Variants in FMNL3 observed in about 807,000 individuals in gnomAD.
FMNL3 encodes formin like 3.
FMNL3 carries 57 observed loss-of-function variants against 119.6 expected under a neutral mutation model. That is an observed-to-expected ratio of 0.48 (90% CI 0.39 to 0.59). The LOEUF is 0.59. FMNL3 is among the 20% of genes least tolerant of loss of function. The pLI, the probability that FMNL3 is intolerant of heterozygous loss-of-function variation, is 0.00. For missense variants in FMNL3, 1,053 were observed against 1,323.5 expected, an observed-to-expected ratio of 0.80 and a Z score of 3.17; for synonymous variants, 491 against 507.3, an observed-to-expected ratio of 0.97 and a Z score of 0.43.
At position 49,642,285 on chromosome 12, in the gene FMNL3, A is replaced by G. The variant is rs374754162; in HGVS notation, c.*3530T>C. On this transcript the variant is annotated 3_prime_UTR_variant, in exon 26 of 26. Transcript: ENST00000335154. The surrounding 1 kb of genome is among the most constrained non-coding windows in gnomAD (Gnocchi z 5.8). ...AGAGGGAGCGGGAGAAGGAGGAGGCACGCAGGATGCGGCGCAGGGAAGCTG... is the reference window on the plus strand; with the variant it reads ...AGAGGGAGCGGGAGAAGGAGGAGGCGCGCAGGATGCGGCGCAGGGAAGCTG... 3 of 1,614,212 alleles carry G rather than the reference A, an allele frequency of 1.9e-6. No homozygotes were observed.
chr12:49,646,813 G>C, intron 25 of FMNL3, 73 bp downstream of exon 25: 1 of 1,604,990 alleles, frequency 6.2e-7, no homozygotes, highest in Non-Finnish European at 8.5e-7. Flanking sequence ...TGGGAGGAGA[G>C]CCCAAAGGGG....
rs1389099608 is a variant in FMNL3, at chr12:49,641,813, G to A, written c.*4002C>T. 3 of 993,310 alleles carry A rather than the reference G, an allele frequency of 3.0e-6. No individual in the cohort carries two copies. The highest frequency in any genetic ancestry group is 3.6e-5 in the Admixed American group (2 of 55,708). The allele number at this position is 993,310 out of a possible 1,614,324, so 61.5% of individuals were successfully genotyped here. On this transcript the variant is annotated 3_prime_UTR_variant, in exon 26 of 26. Transcript: ENST00000335154. ...TCCTGTGGATCTCTTCCAGAGGCAA[G>A]GGCCTTCTTGACCATCTGTAATGTG... is the stretch of plus-strand genomic sequence containing the variant.
chr12:49,706,997 C>G (rs561559132), intron 1 of FMNL3, 58 bp downstream of exon 1: 3 of 1,538,766 alleles, frequency 1.9e-6, no homozygotes, highest in Non-Finnish European at 2.6e-6. Flanking sequence ...AAGTCCCAGC[C>G]CGGGCGTCGG....
In FMNL3 at chr12:49,642,847, G is replaced by C; in HGVS notation, c.*2968C>G. 2.0e-6 allele frequency: 3 copies of C among 1,499,478 alleles called. No individual in the cohort carries two copies. The South Asian group carries it at 3.6e-5, about 18-fold the overall frequency. The allele number at this position is 1,499,478 out of a possible 1,614,324, so 92.9% of individuals were successfully genotyped here. On this transcript the variant is annotated 3_prime_UTR_variant, in exon 26 of 26. Coordinates refer to ENST00000335154, the MANE Select transcript of FMNL3 (RefSeq NM_175736.5). This position sits in a 1 kb window ranked among gnomAD's most constrained non-coding sequence, Gnocchi z 5.8. ...GAAGGCTCTAGTCTGAGAAAGGGAG[G>C]CAAAGCCAGATTTTAGGAAGTAGGA...
intron 1 of FMNL3, among the ~76,000 whole-genome samples, chr12:49,699,213 G>A (rs991096450): frequency 6.6e-6 from 1 of 152,170 alleles, no homozygotes; most frequent in African/African-American, 2.4e-5. Context: ...ACTTCAGGCA[G>A]CCAACACTGC....
chr12:49,648,242 G>T lies in FMNL3; in HGVS notation c.2627C>A (p.Thr876Asn). ...GAGCTTGTCTAGTTTGCCTTCATTG[G>T]TACTGAGGAAGTTCCGGAGGACGCT... Reference protein sequence around the residue: ...DNSVLRNFLSTNEGKLDKLQR... With the variant: ...DNSVLRNFLSNNEGKLDKLQR... Residue 876 changes from threonine to asparagine, a missense_variant, in exon 22 of 26, where the codon ACC (threonine) becomes AAC (asparagine). Transcript: ENST00000335154. 6.2e-7 allele frequency: 1 copy of T among 1,614,004 alleles called. No homozygotes were observed. Among genetic ancestry groups the T allele is most frequent in the African/African-American group, 1.3e-5 (1 of 75,008 alleles).
rs1275600549 is a variant in FMNL3, at chr12:49,639,510, G to A, written c.*6305C>T. 1 of 152,296 alleles carries A rather than the reference G, an allele frequency of 6.6e-6. No homozygotes were observed. Among genetic ancestry groups the A allele is most frequent in the East Asian group, 1.9e-4 (1 of 5,196 alleles). 9.4% of individuals were successfully genotyped at this position (152,296 alleles called of 1,614,324 possible). On this transcript the variant is annotated 3_prime_UTR_variant, in exon 26 of 26. Transcript: ENST00000335154. ...GAGAGCAGGCTGTAGCGCTCCAGCT[G>A]TTCTTCTGAGACACTCTGGGTTTCT...
At chr12:49,656,556 T>G in intron 8 of FMNL3, 59 bp from the exon 9 acceptor site, 1 of 1,467,106 alleles carries the variant, frequency 6.8e-7, no homozygotes, top group Non-Finnish European at 9.5e-7. Context: ...ACCACACAGC[T>G]CATTTCCCTG....
At chr12:49,665,631 C>T (rs1001590589) in intron 4 of FMNL3, among the ~76,000 whole-genome samples, 1 of 152,208 alleles carries the variant, frequency 6.6e-6, no homozygotes. Flanking sequence ...ATCTAGTCAG[C>T]AGCTGGCAGA....
chr12:49,636,912 C>T lies in FMNL3; in HGVS notation c.*8903G>A, dbSNP rs1941892046. ...TGCCCTAGAGCACAACCTCTTCACC[C>T]ATTCCCTGCCCCCTTCTGGATACGC... On this transcript the variant is annotated 3_prime_UTR_variant, in exon 26 of 26. Transcript: ENST00000335154. 6.2e-7 allele frequency: 1 copy of T among 1,606,088 alleles called. No individual in the cohort carries two copies. The highest frequency in any genetic ancestry group is 8.5e-7 in the Non-Finnish European group (1 of 1,176,548).
chr12:49,681,569 G>A (rs1032049849), intron 1 of FMNL3, among the ~76,000 whole-genome samples: 1 of 151,954 alleles, frequency 6.6e-6, no homozygotes, highest in East Asian at 1.9e-4. Context: ...TACTTTTCAC[G>A]AGACAGTCAG....
In FMNL3 at chr12:49,656,448, C is replaced by A; in HGVS notation, c.841G>T (p.Gly281Ter). ...ELLAAVCLVR[G>*]GHEIILAAFD... is the part of the protein sequence containing the mutation. ...GCAGCAAGGATGATTTCGTGACCTC[C>A]TCGCACCAAACACACAGCTGCCAGA... The change falls in exon 9 of 26, where the codon GGA becomes TGA. Residue 281 changes from glycine to a stop codon, truncating the protein, a stop_gained. Transcript: ENST00000335154. LOFTEE classifies it high-confidence loss of function. 1 of 1,614,160 alleles carries A rather than the reference C, an allele frequency of 6.2e-7. No individual in the cohort carries two copies. The highest frequency in any genetic ancestry group is 8.5e-7 in the Non-Finnish European group (1 of 1,180,004).
At chr12:49,685,506 C>T (rs1015603524) in intron 1 of FMNL3, among the ~76,000 whole-genome samples, 2 of 151,956 alleles carry the variant, frequency 1.3e-5, no homozygotes, top group African/African-American at 4.8e-5. Context: ...ACACAAGAGA[C>T]AAAATGTGCT....
In FMNL3 at chr12:49,665,874, A is replaced by C. The variant is rs779698218; in HGVS notation, c.326T>G (p.Val109Gly). 6 of 1,614,174 alleles carry C rather than the reference A, an allele frequency of 3.7e-6. No individual in the cohort carries two copies. The South Asian group carries it at 6.6e-5, about 18-fold the overall frequency. The change falls in exon 4 of 26, where the codon GTA (valine) becomes GGA (glycine). Residue 109 changes from valine (V) to glycine (G), a missense_variant. Physicochemically the swap from Val to Gly is moderately radical, Grantham distance 109. Around this residue, in one of 4 missense-constraint regions of FMNL3, gnomAD observed 264 missense variants for 265.5 expected, o/e 0.99. Coordinates refer to ENST00000335154, the MANE Select transcript of FMNL3 (RefSeq NM_175736.5). ...FRRRVQESTK[V>G]LRELEISLRT... ...AAGAGAGATCTCCAGCTCCCTTAGT[A>C]CTTTGGTTGACTCCTGCACCCTCCT... is the stretch of plus-strand genomic sequence containing the variant.
In FMNL3 at chr12:49,646,571, G is replaced by A. The variant is rs541683840; in HGVS notation, c.2995+315C>T. 56 of 1,235,222 alleles carry A rather than the reference G, an allele frequency of 4.5e-5. No homozygotes were observed. In the South Asian group the frequency reaches 8.1e-4, roughly 18 times the overall value. 76.5% of individuals were successfully genotyped at this position (1,235,222 alleles called of 1,614,324 possible). On this transcript the variant is annotated intron_variant, in intron 25 of 25. Coordinates refer to ENST00000335154, the MANE Select transcript of FMNL3 (RefSeq NM_175736.5). ...TTGCAAGTCATGCAGGAAAGAAGGT[G>A]CCTGTGGTCTCCCAGCAGGAATCCT... is the stretch of plus-strand genomic sequence containing the variant.
intron 1 of FMNL3, among the ~76,000 whole-genome samples, chr12:49,698,536 A>C (rs575143860): frequency 1.3e-5 from 2 of 151,600 alleles, no homozygotes; most frequent in Admixed American, 6.6e-5. Flanking sequence ...AAAAAAAAAA[A>C]CACCCTATCC....
At chr12:49,659,732 A>G in intron 5 of FMNL3, 1 of 982,866 alleles carries the variant, frequency 1.0e-6, no homozygotes, top group Non-Finnish European at 1.2e-6. Context: ...CAGTTTGTCA[A>G]TGTGGCCAGG....
rs11831670 is a variant in FMNL3, at chr12:49,662,107, G to A, written c.369-58C>T. ...TGCTAAAAGTGGGTCAAGGATGAGGGGGGTGACATGCCTCTGACCCAACAC... is the reference window on the plus strand; with the variant it reads ...TGCTAAAAGTGGGTCAAGGATGAGGAGGGTGACATGCCTCTGACCCAACAC... On this transcript the variant is annotated intron_variant, in intron 4 of 25. Coordinates refer to ENST00000335154, the MANE Select transcript of FMNL3 (RefSeq NM_175736.5). 8,046 of 1,510,008 alleles carry A rather than the reference G, an allele frequency of 5.3e-3. 164 individuals carry two copies. Among genetic ancestry groups the A allele is most frequent in the African/African-American group, 0.053 (3,846 of 72,854 alleles). 93.5% of individuals were successfully genotyped at this position (1,510,008 alleles called of 1,614,324 possible).
chr12:49,697,312 A>G (rs781011146), intron 1 of FMNL3, among the ~76,000 whole-genome samples: 1 of 152,220 alleles, frequency 6.6e-6, no homozygotes, highest in Non-Finnish European at 1.5e-5. Context: ...AAGGTGTGCT[A>G]GGAAATGGGA....
Sources: allele counts gnomAD v4.1 joint callset (sites outside exome capture counted in the v4.1 genomes callset), GRCh38; gene constraint gnomAD v4.1.1; regional missense constraint gnomAD v4.1.1; non-coding constraint Gnocchi (gnomAD v3.1); transcripts MANE v1.5; gene names NCBI Gene and HGNC (gene_info 2026-07-23, HGNC 2026-07-21).